The following GKAP1 variants were observed in gnomAD, a reference collection of about 807,000 sequenced individuals.
GKAP1 encodes the protein G kinase anchoring protein 1.
A neutral mutation model predicts 56.7 loss-of-function variants in GKAP1; 31 were observed. That is an observed-to-expected ratio of 0.55 (90% CI 0.41 to 0.74). The LOEUF (loss-of-function observed/expected upper bound fraction) is 0.74. Among genes scored for constraint, GKAP1 ranks in the 30% least tolerant of loss-of-function variants. The pLI is 0.00. For synonymous variants in GKAP1, 151 were observed against 138.6 expected (o/e 1.09, Z -0.63); for missense variants, 364 against 402.3 (o/e 0.90, Z 0.82).
intron 8 of GKAP1, among the ~76,000 whole-genome samples, chr9:83,758,925 G>C (rs946750402): frequency 2.6e-5 from 4 of 152,024 alleles, no homozygotes; most frequent in Admixed American, 1.3e-4. Context: ...TACAGAAAGA[G>C]AAGTGGAGAA....
chr9:83,753,509 A>C lies in GKAP1; in HGVS notation c.739-150T>G, dbSNP rs1943427760. 5 of 641,962 alleles carry C rather than the reference A, an allele frequency of 7.8e-6. No individual in the cohort carries two copies. The East Asian group carries it at 1.4e-4, about 18-fold the overall frequency. 39.8% of individuals were successfully genotyped at this position (641,962 alleles called of 1,614,324 possible). ...GTTGACTACATTTCTACTTTCACTC[A>C]ATTATATAATCCTAATACACAATGC... is the stretch of plus-strand genomic sequence containing the variant. On this transcript the variant is annotated intron_variant, in intron 8 of 12. Coordinates refer to ENST00000376371, the MANE Select transcript of GKAP1 (RefSeq NM_025211.4).
intron 10 of GKAP1, 55 bp downstream of exon 10, chr9:83,748,254 C>T: frequency 1.7e-6 from 2 of 1,192,930 alleles, no homozygotes; most frequent in Non-Finnish European, 2.4e-6. Flanking sequence ...GAAAAAGTAC[C>T]TTCAGATATT....
intron 7 of GKAP1, among the ~76,000 whole-genome samples, 195 bp from the exon 8 acceptor site, chr9:83,769,165 T>C (rs1943715026): frequency 6.6e-6 from 1 of 152,192 alleles, no homozygotes; most frequent in African/African-American, 2.4e-5. Flanking sequence ...GATAAAACAG[T>C]AGAGACACAT....
intron 7 of GKAP1, among the ~76,000 whole-genome samples, chr9:83,774,546 A>C (rs1943819176): frequency 6.6e-6 from 1 of 150,918 alleles, no homozygotes; most frequent in Non-Finnish European, 1.5e-5. Context: ...GTAAGCTGAG[A>C]CCGTGCCATT....
intron 2 of GKAP1, among the ~76,000 whole-genome samples, chr9:83,812,286 T>C (rs1944518627): frequency 1.3e-5 from 2 of 148,326 alleles, no homozygotes; most frequent in South Asian, 4.2e-4. Flanking sequence ...TATACACATA[T>C]ATACGTATAT....
chr9:83,770,373 A>G (rs1238420350), intron 7 of GKAP1, among the ~76,000 whole-genome samples: 2 of 152,220 alleles, frequency 1.3e-5, no homozygotes, highest in East Asian at 3.9e-4. Flanking sequence ...TCTGCATGAC[A>G]ATATCCAGCA....
intron 5 of GKAP1, among the ~76,000 whole-genome samples, chr9:83,787,385 C>T (rs997428770): frequency 1.4e-5 from 2 of 145,566 alleles, no homozygotes; most frequent in African/African-American, 2.5e-5. Flanking sequence ...TACAGGCTCA[C>T]ACCACCATGC....
At chr9:83,753,205 A>C in intron 9 of GKAP1, 53 bp downstream of exon 9, 8 of 1,069,092 alleles carry the variant, frequency 7.5e-6, no homozygotes, top group Non-Finnish European at 1.1e-5. Flanking sequence ...AAAAACAGAA[A>C]ACGTGAAAAT....
chr9:83,788,513 A>G, intron 5 of GKAP1, 88 bp downstream of exon 5: 1 of 726,002 alleles, frequency 1.4e-6, no homozygotes, highest in South Asian at 2.0e-5. Context: ...CTTTTACAGA[A>G]AAATTTTATG....
Position 83,779,527 on chromosome 9 carries a change from G to A in GKAP1, c.585+855C>T, listed in dbSNP as rs1169531544. On this transcript the variant is annotated intron_variant, in intron 7 of 12. Transcript: ENST00000376371. ...CATATATGTGTATATATATACACGT[G>A]TATATGTGTATATATATACACGTGT... Among the ~76,000 whole-genome samples the A allele has an allele frequency of 9.4e-5, 10 of 106,364 alleles. 1 individual carries two copies. The highest frequency in any genetic ancestry group is 6.2e-3 in the Middle Eastern group (1 of 162). The allele number at this position is 106,364 out of a possible 152,430, so 69.8% of individuals were successfully genotyped here. A position where few individuals can be genotyped will look rare whatever the true frequency, so the allele number is the denominator to read the frequency against.
intron 12 of GKAP1, among the ~76,000 whole-genome samples, chr9:83,741,620 T>C: frequency 6.6e-6 from 1 of 152,140 alleles, no homozygotes; most frequent in East Asian, 1.9e-4. Context: ...ACAATGGAGA[T>C]ATCTAGGAGA....
chr9:83,763,548 T>C (rs993607642), intron 8 of GKAP1, among the ~76,000 whole-genome samples: 4 of 152,208 alleles, frequency 2.6e-5, no homozygotes, highest in South Asian at 2.1e-4. Flanking sequence ...ACACCTACTA[T>C]GTAGCCACAA....
At chr9:83,814,305 T>A (rs1253356268) in intron 2 of GKAP1, among the ~76,000 whole-genome samples, 1 of 152,216 alleles carries the variant, frequency 6.6e-6, no homozygotes, top group Non-Finnish European at 1.5e-5. Context: ...AACACACAAT[T>A]AGTTTACTTG....
At chr9:83,809,325 G>C (rs1259145453) in intron 2 of GKAP1, among the ~76,000 whole-genome samples, 1 of 152,196 alleles carries the variant, frequency 6.6e-6, no homozygotes, top group Non-Finnish European at 1.5e-5. Flanking sequence ...AAAAGCCTCT[G>C]TTCCAGTCAC....
intron 6 of GKAP1, 32 bp downstream of exon 6, chr9:83,784,681 TTC>T: frequency 6.9e-7 from 1 of 1,452,020 alleles, no homozygotes; most frequent in Non-Finnish European, 9.3e-7. Flanking sequence ...TGTAGAATAG[TTC>T]TTTTAGCATA....
chr9:83,799,045 C>A, intron 4 of GKAP1, 140 bp downstream of exon 4: 1 of 706,180 alleles, frequency 1.4e-6, no homozygotes, highest in Non-Finnish European at 2.4e-6. Flanking sequence ...AACAGAACCT[C>A]TTATTAAAAG....
chr9:83,752,369 CTG>C (rs891249573), intron 9 of GKAP1, among the ~76,000 whole-genome samples: 12 of 152,152 alleles, frequency 7.9e-5, no homozygotes, highest in African/African-American at 2.4e-4. Context: ...TGAGCCAAGA[CTG>C]TGCCACTGCA....
intron 9 of GKAP1, among the ~76,000 whole-genome samples, chr9:83,752,016 C>A (rs1316388189): frequency 6.6e-6 from 1 of 152,110 alleles, no homozygotes; most frequent in East Asian, 1.9e-4. Context: ...TACTTATGCA[C>A]CAGTAAACAA....
chr9:83,781,276 T>C (rs1234838094), intron 6 of GKAP1, among the ~76,000 whole-genome samples: 1 of 152,082 alleles, frequency 6.6e-6, no homozygotes, highest in Non-Finnish European at 1.5e-5. Context: ...GGCATGAAAA[T>C]TGCTTGAACC....
Sources: allele counts gnomAD v4.1 joint callset (sites outside exome capture counted in the v4.1 genomes callset), GRCh38; gene constraint gnomAD v4.1.1; transcripts MANE v1.5; gene names NCBI Gene and HGNC (gene_info 2026-07-23, HGNC 2026-07-21).